Variants in CSMD2 observed in about 807,000 individuals in gnomAD.
The protein encoded by CSMD2 is CUB and Sushi multiple domains 2.
Under a neutral mutation model 398.5 loss-of-function variants are expected in CSMD2, and 130 were observed. The observed-to-expected ratio is 0.33, with a 90% CI of 0.28 to 0.38. The LOEUF (loss-of-function observed/expected upper bound fraction) is 0.38. Among genes scored for constraint, CSMD2 ranks in the 10% least tolerant of loss-of-function variants. The probability of loss-of-function intolerance (pLI) is 1.00; values close to 1 mark genes in which losing one functional copy is unlikely to be tolerated. For missense variants in CSMD2, 3,829 were observed against 4,764.9 expected (o/e 0.80, Z 5.78); for synonymous variants, 1,828 against 1,908.5 (o/e 0.96, Z 1.10).
intron 1 of CSMD2, among the ~76,000 whole-genome samples, chr1:34,159,331 C>A (rs1226237470): frequency 3.0e-5 from 2 of 65,978 alleles, no homozygotes; most frequent in Non-Finnish European, 6.1e-5. Flanking sequence ...ACAGCCTGCC[C>A]CCCCCCCACC....
chr1:33,682,027 A>G (rs1279895970), intron 25 of CSMD2, among the ~76,000 whole-genome samples: 1 of 152,188 alleles, frequency 6.6e-6, no homozygotes, highest in Non-Finnish European at 1.5e-5. Flanking sequence ...TGGAGGCCAG[A>G]TGTCTGAAAT....
chr1:33,942,696 A>G (rs545306313), intron 3 of CSMD2, among the ~76,000 whole-genome samples: 1 of 152,344 alleles, frequency 6.6e-6, no homozygotes, highest in South Asian at 2.1e-4. Flanking sequence ...GCTCCAGGAG[A>G]CTGAAAAGCT....
At chr1:34,109,809 G>C (rs1480316154) in intron 1 of CSMD2, among the ~76,000 whole-genome samples, 1 of 151,996 alleles carries the variant, frequency 6.6e-6, no homozygotes, top group African/African-American at 2.4e-5. Context: ...GGAGGCCAAG[G>C]CGGGCGGATC....
At chr1:33,572,465 T>C (rs770343627) in intron 50 of CSMD2, 41 bp downstream of exon 50, 1 of 1,489,512 alleles carries the variant, frequency 6.7e-7, no homozygotes. Context: ...GCTGCCTACC[T>C]AGCCCTTCCT....
chr1:33,986,969 G>A (rs2147979220), intron 3 of CSMD2, among the ~76,000 whole-genome samples: 2 of 152,266 alleles, frequency 1.3e-5, no homozygotes, highest in Middle Eastern at 6.8e-3. Context: ...GGGGCTGCAG[G>A]GTCTGCTGGC....
At chr1:34,004,625 A>G (rs1353678626) in intron 3 of CSMD2, among the ~76,000 whole-genome samples, 1 of 152,170 alleles carries the variant, frequency 6.6e-6, no homozygotes, top group African/African-American at 2.4e-5. Flanking sequence ...GCATTTGTTG[A>G]TAGTAAGATT....
intron 1 of CSMD2, among the ~76,000 whole-genome samples, chr1:34,089,519 CATGGA>C (rs1426259321): frequency 1.3e-5 from 2 of 152,324 alleles, no homozygotes; most frequent in African/African-American, 4.8e-5. Flanking sequence ...CCCTCTACAA[CATGGA>C]ATGTCAGAAC....
At chr1:33,982,790 A>G (rs1646217747) in intron 3 of CSMD2, among the ~76,000 whole-genome samples, 1 of 152,186 alleles carries the variant, frequency 6.6e-6, no homozygotes, top group Non-Finnish European at 1.5e-5. Context: ...TTGGTGGAGC[A>G]CAGGGCACAG....
At chr1:34,136,322 C>T (rs1638748756) in intron 1 of CSMD2, among the ~76,000 whole-genome samples, 1 of 152,222 alleles carries the variant, frequency 6.6e-6, no homozygotes. Context: ...TCAGCCCACT[C>T]AGTTGAATGT....
intron 40 of CSMD2, among the ~76,000 whole-genome samples, chr1:33,614,301 T>G (rs373253022): frequency 2.0e-5 from 3 of 152,118 alleles, no homozygotes; most frequent in African/African-American, 7.2e-5. Context: ...CCCCTAAGAT[T>G]TTTCTCCCCC....
intron 2 of CSMD2, among the ~76,000 whole-genome samples, chr1:34,063,989 C>A (rs191729255): frequency 1.3e-5 from 2 of 152,324 alleles, no homozygotes; most frequent in Non-Finnish European, 2.9e-5. Flanking sequence ...ACAGCATGAG[C>A]CCTATGTTGG....
At chr1:33,726,028 T>C (rs1409107468) in intron 16 of CSMD2, among the ~76,000 whole-genome samples, 1 of 152,036 alleles carries the variant, frequency 6.6e-6, no homozygotes, top group Non-Finnish European at 1.5e-5. Flanking sequence ...CACACAAAAG[T>C]TTGCAGACTG....
chr1:34,079,664 A>T (rs1464455522), intron 2 of CSMD2, among the ~76,000 whole-genome samples: 1 of 152,200 alleles, frequency 6.6e-6, no homozygotes, highest in East Asian at 1.9e-4. Flanking sequence ...AACACGAAGA[A>T]AATTCTACAA....
intron 53 of CSMD2, among the ~76,000 whole-genome samples, chr1:33,561,932 C>A (rs528055205): frequency 6.6e-6 from 1 of 151,880 alleles, no homozygotes; most frequent in Non-Finnish European, 1.5e-5. Context: ...TCCCTGAAGG[C>A]GGAAATCACT....
At chr1:33,962,468 G>A (rs1023068891) in intron 3 of CSMD2, among the ~76,000 whole-genome samples, 1 of 152,314 alleles carries the variant, frequency 6.6e-6, no homozygotes, top group Non-Finnish European at 1.5e-5. Flanking sequence ...TCTCATAGGG[G>A]ATTTGAAGCA....
At chr1:33,574,535 C>T (rs1446678293) in intron 49 of CSMD2, among the ~76,000 whole-genome samples, 6 of 152,206 alleles carry the variant, frequency 3.9e-5, no homozygotes, top group East Asian at 3.8e-4. Flanking sequence ...AGAACTTTTT[C>T]GCTTAGAGCC....
chr1:33,743,284 A>G lies in CSMD2; in HGVS notation c.2169T>C (p.Phe723=), dbSNP rs1374882735. 3.8e-6 allele frequency: 6 copies of G among 1,598,554 alleles called. No individual in the cohort carries two copies. The highest frequency in any genetic ancestry group is 5.1e-6 in the Non-Finnish European group (6 of 1,170,438). ...STGKRGFNIT[F]TTFRHNECPD... Reference sequence around the variant, plus strand: ...GGTGACAGAGGGAGGACTCACTGGTAAAAGTGATGTTGAAGCCCCTCTTCC... The same window carrying G: ...GGTGACAGAGGGAGGACTCACTGGTGAAAGTGATGTTGAAGCCCCTCTTCC... Residue 723 remains phenylalanine, a synonymous_variant, in exon 14 of 71, where the codon TTT becomes TTC. Transcript: ENST00000373381.
chr1:33,520,598 A>G lies in CSMD2; in HGVS notation c.10598-648T>C, dbSNP rs189000299. On this transcript the variant is annotated intron_variant, in intron 68 of 70. Coordinates refer to ENST00000373381, the MANE Select transcript of CSMD2 (RefSeq NM_001281956.2). ...GCAGTAGGTGAAGGGTGCTGTGTGG[A>G]AGACAGTGGTCTCAGTCCATGCAGC... Among the ~76,000 whole-genome samples, 1,199 of 152,362 alleles carry G rather than the reference A, an allele frequency of 7.9e-3. 14 individuals carry two copies. The highest frequency in any genetic ancestry group is 0.014 in the Non-Finnish European group (928 of 68,034).
intron 2 of CSMD2, among the ~76,000 whole-genome samples, chr1:34,073,466 G>A (rs1354241439): frequency 6.6e-6 from 1 of 152,164 alleles, no homozygotes; most frequent in East Asian, 1.9e-4. Context: ...TATTTAAAAA[G>A]AAATTGGACA....
Sources: gnomAD v4.1 joint callset for allele counts (sites outside exome capture counted in the v4.1 genomes callset) on GRCh38, gnomAD v4.1.1 for gene constraint, MANE v1.5 for transcripts, NCBI Gene and HGNC (gene_info 2026-07-23, HGNC 2026-07-21) for gene names.